Variants in NEK10 observed in about 807,000 individuals in gnomAD.
NEK10 encodes NIMA related kinase 10.
In NEK10, 122 loss-of-function variants were observed where a neutral mutation model predicts 159.8. The observed-to-expected ratio is 0.76, with a 90% confidence interval of 0.66 to 0.89. The LOEUF (loss-of-function observed/expected upper bound fraction) is 0.89, where lower values mean the gene tolerates loss of function less well. NEK10 is among the 40% of genes least tolerant of loss of function. The pLI is 0.00. For missense variants in NEK10, 1,342 were observed against 1,323.1 expected (o/e 1.01, Z -0.22); for synonymous variants, 466 against 457.1 (o/e 1.02, Z -0.25).
Position 27,109,336 on chromosome 3 carries a change from G to A in NEK10, c.*1936C>T, listed in dbSNP as rs918488956. On this transcript the variant is annotated 3_prime_UTR_variant, in exon 36 of 36. Transcript: ENST00000691995. ...GGAGGTTGCAGTAAGTTAAGATCTC[G>A]CCATTGCACTCAAGCCTGGGCAACA... 7.1e-6 allele frequency among the ~76,000 whole-genome samples: 1 copy of A among 141,786 alleles called. No individual in the cohort carries two copies. The highest frequency in any genetic ancestry group is 7.6e-5 in the Admixed American group (1 of 13,230). The allele number at this position is 141,786 out of a possible 152,430, so 93.0% of individuals were successfully genotyped here. A position where few individuals can be genotyped will look rare whatever the true frequency, so the allele number is the denominator to read the frequency against.
chr3:27,149,580 A>G (rs575055370), intron 30 of NEK10, among the ~76,000 whole-genome samples: 2 of 152,240 alleles, frequency 1.3e-5, no homozygotes, highest in Non-Finnish European at 2.9e-5. Flanking sequence ...GGGCACCACA[A>G]ACTGCACTCA....
Position 27,246,794 on chromosome 3 carries a change from C to A in NEK10, c.2090+9502G>T, listed in dbSNP as rs191182562. Among the ~76,000 whole-genome samples, 383 of 152,196 alleles carry A rather than the reference C, an allele frequency of 2.5e-3. 1 individual carries two copies. The highest frequency in any genetic ancestry group is 8.8e-3 in the African/African-American group (366 of 41,524). The stretch of plus-strand genomic sequence containing the variant: ...AGCACCACAAATTTTTATTCCCACA[C>A]AATTTTTAGTCCCATATTTCACTTC... On this transcript the variant is annotated intron_variant, in intron 23 of 35. Transcript: ENST00000691995.
In NEK10 at chr3:27,143,075, CAG is replaced by C. The variant is rs549964898; in HGVS notation, c.2870-1495_2870-1494del. On this transcript the variant is annotated intron_variant, in intron 30 of 35. Transcript: ENST00000691995. Reference sequence around the variant, plus strand: ...GTTAATGTAGCTCTAAAATAGAAAACAGAGAGCTGGAGTTGTCTGCTCCATCT... The same window carrying C: ...GTTAATGTAGCTCTAAAATAGAAAACAGAGCTGGAGTTGTCTGCTCCATCT... 3.9e-4 allele frequency among the ~76,000 whole-genome samples: 60 copies of C among 152,112 alleles called. No homozygotes were observed. The East Asian group carries it at 9.3e-3, about 24-fold the overall frequency.
chr3:27,183,812 T>C (rs1948366482), intron 26 of NEK10, among the ~76,000 whole-genome samples: 1 of 152,078 alleles, frequency 6.6e-6, no homozygotes, highest in African/African-American at 2.4e-5. Flanking sequence ...CACAAAGATA[T>C]ATAAATAGCT....
intron 25 of NEK10, among the ~76,000 whole-genome samples, chr3:27,198,435 C>T (rs1949747702): frequency 6.6e-6 from 1 of 151,370 alleles, no homozygotes; most frequent in Non-Finnish European, 1.5e-5. Context: ...CAAAAACAGA[C>T]ACATAGACCA....
chr3:27,196,139 T>A (rs1053045782), intron 25 of NEK10, among the ~76,000 whole-genome samples: 10 of 152,164 alleles, frequency 6.6e-5, no homozygotes, highest in African/African-American at 9.7e-5. Context: ...TAACTGCTTG[T>A]GTTATCTATA....
intron 23 of NEK10, among the ~76,000 whole-genome samples, chr3:27,225,555 C>A (rs12494536): frequency 2.0e-5 from 3 of 152,066 alleles, no homozygotes; most frequent in Admixed American, 1.3e-4. Context: ...CAGGAAAACA[C>A]TTATTAAAGG....
chr3:27,250,432 T>TG (rs1388061993), intron 23 of NEK10, among the ~76,000 whole-genome samples: 8 of 152,148 alleles, frequency 5.3e-5, no homozygotes, highest in African/African-American at 1.9e-4. Context: ...GTGATCCACC[T>TG]GCCTTGGTCT....
At chr3:27,171,706 T>C (rs1308070296) in intron 29 of NEK10, 113 bp downstream of exon 29, 9 of 1,037,418 alleles carry the variant, frequency 8.7e-6, no homozygotes, top group South Asian at 1.5e-5. Flanking sequence ...AAGCTCTAAC[T>C]CCTATTTCCG....
At chr3:27,294,299 T>C (rs901990737) in intron 15 of NEK10, among the ~76,000 whole-genome samples, 17 of 151,998 alleles carry the variant, frequency 1.1e-4, no homozygotes, top group African/African-American at 4.1e-4. Flanking sequence ...TAGGCCACCA[T>C]TGGAGTGATC....
chr3:27,240,018 C>T (rs540436579), intron 23 of NEK10, among the ~76,000 whole-genome samples: 3 of 152,286 alleles, frequency 2.0e-5, no homozygotes, highest in African/African-American at 7.2e-5. Flanking sequence ...TACAACTTGG[C>T]TTCAAGAAAG....
intron 3 of NEK10, among the ~76,000 whole-genome samples, chr3:27,350,863 T>C (rs2047920553): frequency 6.6e-6 from 1 of 152,194 alleles, no homozygotes; most frequent in Non-Finnish European, 1.5e-5. Flanking sequence ...TTGGTTTTTT[T>C]TGTTTTTTGC....
intron 23 of NEK10, chr3:27,255,289 T>A: frequency 2.3e-6 from 1 of 436,368 alleles, no homozygotes; most frequent in South Asian, 1.7e-5. Flanking sequence ...TTTCTTTGCA[T>A]CTTCTCATGA....
At position 27,256,314 on chromosome 3, in the gene NEK10, C is replaced by A; in HGVS notation, c.2072G>T (p.Gly691Val). Residue 691 changes from glycine (G) to valine (V), a missense_variant, in exon 23 of 36, where the codon GGA (glycine) becomes GTA (valine). Coordinates refer to ENST00000691995, the MANE Select transcript of NEK10 (RefSeq NM_001394966.1). ...TCCTTACCAAGAATACAGGATTGTT[C>A]CAACCACAGAGGTGAGTTTACTGTT... is the stretch of plus-strand genomic sequence containing the variant. ...QENSKLTSVV[G>V]TILYSCPEVL... The A allele has an allele frequency of 6.5e-7, 1 of 1,545,078 alleles. No homozygotes were observed. Among genetic ancestry groups the A allele is most frequent in the Non-Finnish European group, 8.7e-7 (1 of 1,146,478 alleles).
intron 23 of NEK10, among the ~76,000 whole-genome samples, chr3:27,204,298 G>GTTTTTTTTTTTTTTTTTTTTT (rs1559606061): frequency 1.5e-5 from 1 of 65,522 alleles, no homozygotes; most frequent in African/African-American, 6.9e-5. Flanking sequence ...TTTTTTTGTT[G>GTTTTTTTTTTTTTTTTTTTTT]TTGTTTTTTT....
chr3:27,237,669 G>A (rs1440802045), intron 23 of NEK10, among the ~76,000 whole-genome samples: 1 of 151,914 alleles, frequency 6.6e-6, no homozygotes, highest in Non-Finnish European at 1.5e-5. Context: ...GGAGTGGGGT[G>A]AGGAAGGGTG....
chr3:27,238,931 A>G (rs1456623054), intron 23 of NEK10, among the ~76,000 whole-genome samples: 1 of 152,044 alleles, frequency 6.6e-6, no homozygotes. Flanking sequence ...CCCATTGGTT[A>G]CTTGGTTATA....
intron 6 of NEK10, among the ~76,000 whole-genome samples, chr3:27,316,267 A>G (rs2045165530): frequency 6.6e-6 from 1 of 152,172 alleles, no homozygotes; most frequent in East Asian, 1.9e-4. Flanking sequence ...GGGGTCAGTG[A>G]CAGCAGGAGT....
intron 23 of NEK10, chr3:27,206,671 C>A: frequency 1.0e-6 from 1 of 977,484 alleles, no homozygotes; most frequent in South Asian, 4.7e-5. Flanking sequence ...CCCTCAAGTG[C>A]GCACAGAGAT....
Sources: gnomAD v4.1 joint callset for allele counts (sites outside exome capture counted in the v4.1 genomes callset) on GRCh38, gnomAD v4.1.1 for gene constraint, MANE v1.5 for transcripts, NCBI Gene and HGNC (gene_info 2026-07-23, HGNC 2026-07-21) for gene names.